The following COL23A1 variants were observed in gnomAD, a reference collection of about 807,000 sequenced individuals.
COL23A1 encodes the protein collagen type XXIII alpha 1 chain, also known as collagen alpha-1(XXIII) chain.
Under a neutral mutation model 99.3 loss-of-function variants are expected in COL23A1, and 97 were observed. The ratio of observed to expected loss-of-function variants is 0.98; its 90% CI spans 0.83 to 1.16. The LOEUF is 1.16. Ranked by LOEUF, COL23A1 falls within the 50% of genes most tolerant of loss-of-function variation. COL23A1 has a pLI of 0.00. For missense variants in COL23A1, 762 were observed against 757.4 expected (o/e 1.01, Z -0.07); for synonymous variants, 320 against 308.2 (o/e 1.04, Z -0.40).
At chr5:178,519,085 T>C (rs1039440834) in intron 2 of COL23A1, among the ~76,000 whole-genome samples, 18 of 151,894 alleles carry the variant, frequency 1.2e-4, no homozygotes, top group African/African-American at 4.1e-4. Context: ...CCGGACGGGC[T>C]CCCTAAGCCA....
At chr5:178,529,705 C>T (rs1047423608) in intron 2 of COL23A1, among the ~76,000 whole-genome samples, 10 of 152,288 alleles carry the variant, frequency 6.6e-5, no homozygotes, top group Admixed American at 6.5e-4. Context: ...ACTTCACAGG[C>T]AGAAGCGCTC....
At chr5:178,274,220 C>T (rs1756455502) in intron 5 of COL23A1, among the ~76,000 whole-genome samples, 1 of 152,234 alleles carries the variant, frequency 6.6e-6, no homozygotes, top group Non-Finnish European at 1.5e-5. Context: ...AGCCTCAATG[C>T]ACTCAGTGCC....
intron 2 of COL23A1, among the ~76,000 whole-genome samples, chr5:178,358,043 T>TGTATGTGC (rs1761834450): frequency 7.2e-6 from 1 of 139,528 alleles, no homozygotes; most frequent in African/African-American, 2.5e-5. Flanking sequence ...TGTGTATGTG[T>TGTATGTGC]ATGTATGTCT....
At position 178,266,380 on chromosome 5, in the gene COL23A1, C is replaced by A. The variant is rs1326862016; in HGVS notation, c.522+927G>T. On this transcript the variant is annotated intron_variant, in intron 8 of 28. Transcript: ENST00000390654. ...CTTTGTGTGTGCATGTGTGTGTGTG[C>A]GCATATGTGTGTGTGTGTTGGGGGG... Among the ~76,000 whole-genome samples the A allele has an allele frequency of 2.0e-5, 3 of 151,662 alleles. No homozygotes were observed. In the South Asian group the frequency reaches 6.2e-4, roughly 32 times the overall value.
At chr5:178,499,235 C>T (rs369552932) in intron 2 of COL23A1, among the ~76,000 whole-genome samples, 14 of 152,194 alleles carry the variant, frequency 9.2e-5, no homozygotes, top group South Asian at 8.3e-4. Flanking sequence ...TTTTTAAACG[C>T]GCCTATGAAA....
At chr5:178,529,159 G>A (rs1760495691) in intron 2 of COL23A1, among the ~76,000 whole-genome samples, 1 of 152,222 alleles carries the variant, frequency 6.6e-6, no homozygotes, top group African/African-American at 2.4e-5. Context: ...TCTCCATGTG[G>A]CGTCTCTTCA....
chr5:178,459,906 C>T (rs968818513), intron 2 of COL23A1, among the ~76,000 whole-genome samples: 6 of 152,002 alleles, frequency 3.9e-5, no homozygotes, highest in East Asian at 1.9e-4. Context: ...TCTTGTTATA[C>T]GCACACATAC....
At chr5:178,323,019 C>T (rs1004999012) in intron 2 of COL23A1, among the ~76,000 whole-genome samples, 7 of 152,030 alleles carry the variant, frequency 4.6e-5, no homozygotes, top group East Asian at 1.9e-4. Context: ...TTGGCTCTTT[C>T]GGAGGGAGGC....
At chr5:178,262,614 A>G (rs1053004475) in intron 9 of COL23A1, among the ~76,000 whole-genome samples, 4 of 152,098 alleles carry the variant, frequency 2.6e-5, no homozygotes, top group African/African-American at 9.7e-5. Flanking sequence ...GGAAAGGGGT[A>G]GTAGGATGGG....
At chr5:178,353,728 G>A (rs915022773) in intron 2 of COL23A1, among the ~76,000 whole-genome samples, 13 of 152,124 alleles carry the variant, frequency 8.5e-5, no homozygotes, top group African/African-American at 1.2e-4. Flanking sequence ...ACATCTCTCC[G>A]TGGATGGGAA....
At chr5:178,425,654 A>G (rs1765888172) in intron 2 of COL23A1, among the ~76,000 whole-genome samples, 3 of 152,108 alleles carry the variant, frequency 2.0e-5, no homozygotes, top group Non-Finnish European at 2.9e-5. Context: ...CAATGAATGC[A>G]GAGTTTGGGT....
chr5:178,436,607 C>T (rs1766577380), intron 2 of COL23A1, among the ~76,000 whole-genome samples: 1 of 152,234 alleles, frequency 6.6e-6, no homozygotes, highest in African/African-American at 2.4e-5. Context: ...CTCCAGAATG[C>T]TGAGCGAGGT....
At chr5:178,523,974 A>G (rs1246536941) in intron 2 of COL23A1, among the ~76,000 whole-genome samples, 1 of 152,134 alleles carries the variant, frequency 6.6e-6, no homozygotes, top group Non-Finnish European at 1.5e-5. Context: ...GATCTCTGAC[A>G]AGGACTTCAA....
At chr5:178,554,460 T>C (rs1359668401) in intron 2 of COL23A1, among the ~76,000 whole-genome samples, 1 of 152,250 alleles carries the variant, frequency 6.6e-6, no homozygotes, top group Non-Finnish European at 1.5e-5. Context: ...ATTACAGATG[T>C]GTGCCACCAC....
chr5:178,530,626 G>A (rs964222212), intron 2 of COL23A1, among the ~76,000 whole-genome samples: 3 of 152,140 alleles, frequency 2.0e-5, no homozygotes, highest in Admixed American at 6.5e-5. Context: ...AGAACCCAGT[G>A]GCTAATTTGT....
At chr5:178,446,101 A>G (rs1767146765) in intron 2 of COL23A1, among the ~76,000 whole-genome samples, 1 of 152,060 alleles carries the variant, frequency 6.6e-6, no homozygotes, top group Non-Finnish European at 1.5e-5. Flanking sequence ...CCATATATAT[A>G]TATTTTTAAA....
intron 2 of COL23A1, among the ~76,000 whole-genome samples, chr5:178,520,304 A>T (rs1350689105): frequency 1.3e-5 from 2 of 152,164 alleles, no homozygotes; most frequent in African/African-American, 4.8e-5. Context: ...GGAGGTAGCC[A>T]GTCATTGGTT....
intron 2 of COL23A1, among the ~76,000 whole-genome samples, chr5:178,335,263 T>C (rs1054341284): frequency 6.6e-6 from 1 of 152,244 alleles, no homozygotes; most frequent in African/African-American, 2.4e-5. Flanking sequence ...AGAAATGATG[T>C]GTTCATAATA....
At chr5:178,249,716 A>ACACTCACTCTCTCTCTCTCTCT in intron 18 of COL23A1, among the ~76,000 whole-genome samples, 25 of 92,760 alleles carry the variant, frequency 2.7e-4, no homozygotes, top group South Asian at 8.4e-4. Context: ...ACACACACAC[A>ACACTCACTCTCTCTCTCTCTCT]CTCTCTCTCT....
Sources: gnomAD v4.1 joint callset for allele counts (sites outside exome capture counted in the v4.1 genomes callset) on GRCh38, gnomAD v4.1.1 for gene constraint, MANE v1.5 for transcripts, NCBI Gene and HGNC (gene_info 2026-07-23, HGNC 2026-07-21) for gene names.